Variants in TTC28 observed in about 807,000 individuals in gnomAD.
TTC28 encodes tetratricopeptide repeat domain 28.
Under a neutral mutation model 198.0 loss-of-function variants are expected in TTC28, and 61 were observed. That is an observed-to-expected ratio of 0.31 (90% CI 0.25 to 0.38). The LOEUF (loss-of-function observed/expected upper bound fraction) is 0.38, where lower values mean the gene tolerates loss of function less well. Ranked by LOEUF, TTC28 falls within the 10% of genes least tolerant of loss-of-function variation. The probability of loss-of-function intolerance (pLI) is 1.00; values close to 1 mark genes in which losing one functional copy is unlikely to be tolerated. For synonymous variants in TTC28, 1,171 were observed against 1,297.8 expected (o/e 0.90, Z 2.10); for missense variants, 2,678 against 3,164.0 (o/e 0.85, Z 3.69).
Position 28,265,796 on chromosome 22 carries a change from C to T in TTC28, c.933+30402G>A, listed in dbSNP as rs927457509. ...ATAAAGATCTTAGAACAGAAAATGG[C>T]CTTTAGAAGTTATCTCATCATTATT... On this transcript the variant is annotated intron_variant, in intron 5 of 22. Coordinates refer to ENST00000397906, the MANE Select transcript of TTC28 (RefSeq NM_001145418.2). Among the ~76,000 whole-genome samples, 5 of 152,140 alleles carry T rather than the reference C, an allele frequency of 3.3e-5. No individual in the cohort carries two copies. The East Asian group carries it at 9.6e-4, about 29-fold the overall frequency.
intron 2 of TTC28, among the ~76,000 whole-genome samples, chr22:28,591,008 AACAC>A (rs55694132): frequency 0.011 from 606 of 54,828 alleles, 5 homozygotes; most frequent in African/African-American, 0.015. Context: ...CTCTGCCTCA[AACAC>A]ACACACACAC....
Position 28,410,859 on chromosome 22 carries a change from T to A in TTC28, c.382-104216A>T, listed in dbSNP as rs562087616. Among the ~76,000 whole-genome samples the A allele has an allele frequency of 3.3e-5, 5 of 152,336 alleles. No homozygotes were observed. In the South Asian group the frequency reaches 1.0e-3, roughly 32 times the overall value. On this transcript the variant is annotated intron_variant, in intron 2 of 22. Coordinates refer to ENST00000397906, the MANE Select transcript of TTC28 (RefSeq NM_001145418.2). ...ATGAATTTATAAGGCAGAACTCTAT[T>A]TTTCAACCTTTTCTAAAGAAAAGAA...
intron 5 of TTC28, among the ~76,000 whole-genome samples, chr22:28,196,849 G>A (rs1925402949): frequency 6.6e-6 from 1 of 152,128 alleles, no homozygotes; most frequent in Non-Finnish European, 1.5e-5. Flanking sequence ...CAACCATTGT[G>A]GAAGTCAGTG....
chr22:28,066,948 G>A (rs1368929720), intron 12 of TTC28, among the ~76,000 whole-genome samples: 2 of 152,182 alleles, frequency 1.3e-5, no homozygotes, highest in African/African-American at 4.8e-5. Flanking sequence ...AAAACCCACT[G>A]CACTTCCCGC....
chr22:27,998,981 G>C lies in TTC28; in HGVS notation c.4678C>G (p.Pro1560Ala). The C allele has an allele frequency of 1.9e-6, 3 of 1,550,626 alleles. No homozygotes were observed. Among genetic ancestry groups the C allele is most frequent in the Non-Finnish European group, 2.6e-6 (3 of 1,146,968 alleles). Residue 1560 changes from proline to alanine, a missense_variant, in exon 16 of 23, where the codon CCC becomes GCC. Transcript: ENST00000397906. ...SWKLSALVLT[P>A]SMDGNPASSK... ...CTGGCAGGGTTGCCGTCCATGCTGG[G>C]CGTGAGGACCAAGGCCGACAGCTTC... is the stretch of plus-strand genomic sequence containing the variant.
At chr22:28,298,967 A>G (rs534344909) in intron 3 of TTC28, among the ~76,000 whole-genome samples, 73 of 152,342 alleles carry the variant, frequency 4.8e-4, no homozygotes, top group African/African-American at 1.5e-3. Context: ...GAATTTATTT[A>G]TTAAGATGGA....
At chr22:28,091,528 A>G (rs1393731526) in intron 12 of TTC28, among the ~76,000 whole-genome samples, 1 of 152,194 alleles carries the variant, frequency 6.6e-6, no homozygotes, top group Non-Finnish European at 1.5e-5. Context: ...AGCAGTAGAA[A>G]CATGAAAAAG....
At chr22:28,188,130 T>C (rs1924382030) in intron 5 of TTC28, among the ~76,000 whole-genome samples, 2 of 152,176 alleles carry the variant, frequency 1.3e-5, no homozygotes, top group African/African-American at 4.8e-5. Flanking sequence ...TGCAAGAGAC[T>C]TCCAGGTAAA....
intron 1 of TTC28, among the ~76,000 whole-genome samples, chr22:28,650,349 A>C (rs60522846): frequency 0.029 from 4,472 of 152,320 alleles, 211 homozygotes; most frequent in African/African-American, 0.1. Context: ...ACAAAAATAG[A>C]AAATAGCTCA....
intron 10 of TTC28, among the ~76,000 whole-genome samples, chr22:28,098,539 T>G (rs893236853): frequency 6.6e-6 from 1 of 151,592 alleles, no homozygotes; most frequent in African/African-American, 2.4e-5. Context: ...TAGTGAGACC[T>G]CATCTCTATT....
chr22:28,401,205 G>GGAGGAGGATGAC (rs1555987238), intron 2 of TTC28, among the ~76,000 whole-genome samples: 4 of 151,806 alleles, frequency 2.6e-5, no homozygotes, highest in Non-Finnish European at 5.9e-5. Context: ...AGGAGGAGGA[G>GGAGGAGGATGAC]GATGACGATG....
chr22:28,677,553 C>A (rs373302157), intron 1 of TTC28, among the ~76,000 whole-genome samples: 1 of 152,054 alleles, frequency 6.6e-6, no homozygotes, highest in Non-Finnish European at 1.5e-5. Flanking sequence ...GCATTAGAAT[C>A]GCTGGAATCT....
chr22:28,444,200 A>G (rs2047669280), intron 2 of TTC28, among the ~76,000 whole-genome samples: 1 of 152,318 alleles, frequency 6.6e-6, no homozygotes. Context: ...AAACCACCAT[A>G]AAGCTGTTTT....
intron 2 of TTC28, among the ~76,000 whole-genome samples, chr22:28,388,921 G>C (rs919394530): frequency 1.3e-5 from 2 of 152,160 alleles, no homozygotes; most frequent in East Asian, 1.9e-4. Context: ...TCTTGTGCCA[G>C]TTTTCAGTGG....
intron 2 of TTC28, among the ~76,000 whole-genome samples, chr22:28,493,886 A>G (rs1276723931): frequency 6.6e-6 from 1 of 152,182 alleles, no homozygotes; most frequent in Non-Finnish European, 1.5e-5. Flanking sequence ...TCTCTTCAAC[A>G]AGTAATTTGC....
intron 2 of TTC28, among the ~76,000 whole-genome samples, chr22:28,432,692 G>A (rs779516675): frequency 1.1e-4 from 17 of 152,156 alleles, no homozygotes; most frequent in Admixed American, 7.9e-4. Context: ...TTATCAATGA[G>A]ATCTATTTTG....
chr22:27,999,490 G>T, intron 15 of TTC28: 1 of 627,156 alleles, frequency 1.6e-6, no homozygotes, highest in South Asian at 2.1e-5. Context: ...ATCAGGACTG[G>T]ATGGTAGGGG....
intron 2 of TTC28, among the ~76,000 whole-genome samples, chr22:28,427,748 A>C (rs945081845): frequency 3.3e-5 from 5 of 152,208 alleles, no homozygotes; most frequent in African/African-American, 1.2e-4. Flanking sequence ...GCAATTCCCC[A>C]AATACAAATG....
intron 1 of TTC28, among the ~76,000 whole-genome samples, chr22:28,653,056 T>G (rs1258634289): frequency 1.3e-5 from 2 of 152,166 alleles, no homozygotes; most frequent in African/African-American, 4.8e-5. Context: ...AAAGTTGGTA[T>G]GAAAATTATT....
Sources: allele counts gnomAD v4.1 joint callset (sites outside exome capture counted in the v4.1 genomes callset), GRCh38; gene constraint gnomAD v4.1.1; transcripts MANE v1.5; gene names NCBI Gene and HGNC (gene_info 2026-07-23, HGNC 2026-07-21).